BEND5: variants seen among roughly 807,000 people sequenced by gnomAD.
BEND5 encodes BEN domain-containing protein 5.
A neutral mutation model predicts 43.9 loss-of-function variants in BEND5; 22 were observed. The observed-to-expected ratio is 0.50, with a 90% confidence interval of 0.36 to 0.72. The LOEUF is 0.72. BEND5 is among the 30% of genes least tolerant of loss of function. The pLI is 0.00. For missense variants in BEND5, 428 were observed against 550.6 expected (o/e 0.78, Z 2.23); for synonymous variants, 228 against 225.9 (o/e 1.01, Z -0.08).
intron 2 of BEND5, among the ~76,000 whole-genome samples, chr1:48,760,243 T>C (rs1292351593): frequency 1.3e-5 from 2 of 152,198 alleles, no homozygotes; most frequent in Non-Finnish European, 2.9e-5. Flanking sequence ...CAGCTTCTAC[T>C]GAGGGGCAGT....
At chr1:48,733,255 C>A (rs1481865763) in intron 5 of BEND5, among the ~76,000 whole-genome samples, 1 of 152,078 alleles carries the variant, frequency 6.6e-6, no homozygotes, top group Non-Finnish European at 1.5e-5. Context: ...AGTAGTAGAG[C>A]AGGAGCATAA....
At chr1:48,742,077 T>C (rs1328908855) in intron 4 of BEND5, among the ~76,000 whole-genome samples, 1 of 152,250 alleles carries the variant, frequency 6.6e-6, no homozygotes, top group Non-Finnish European at 1.5e-5. Context: ...GTCCTAGGAC[T>C]GTGCGCTAAC....
chr1:48,729,085 T>A (rs1209890793), intron 5 of BEND5, among the ~76,000 whole-genome samples: 1 of 152,090 alleles, frequency 6.6e-6, no homozygotes, highest in South Asian at 2.1e-4. Flanking sequence ...ACTTCATAAA[T>A]AAGGATAACA....
chr1:48,743,714 C>A (rs750938836), intron 3 of BEND5, among the ~76,000 whole-genome samples: 2 of 152,216 alleles, frequency 1.3e-5, no homozygotes, highest in Non-Finnish European at 2.9e-5. Context: ...CCAGCCTTCT[C>A]TTATCCTAGC....
intron 4 of BEND5, among the ~76,000 whole-genome samples, chr1:48,738,644 A>G (rs745600609): frequency 4.6e-5 from 7 of 152,340 alleles, no homozygotes; most frequent in Non-Finnish European, 8.8e-5. Context: ...CTGAATCAGA[A>G]AATCATAGAG....
At chr1:48,731,425 T>G (rs1300104484) in intron 5 of BEND5, among the ~76,000 whole-genome samples, 3 of 152,108 alleles carry the variant, frequency 2.0e-5, no homozygotes, top group African/African-American at 4.8e-5. Context: ...AGGCAAGCAT[T>G]TATAGGCAAT....
At chr1:48,728,859 T>C (rs992361821) in intron 5 of BEND5, among the ~76,000 whole-genome samples, 1 of 152,232 alleles carries the variant, frequency 6.6e-6, no homozygotes, top group African/African-American at 2.4e-5. Context: ...GTACTTGACA[T>C]TGTCACATTA....
intron 3 of BEND5, among the ~76,000 whole-genome samples, chr1:48,751,248 T>C (rs932622493): frequency 1.3e-5 from 2 of 152,182 alleles, no homozygotes; most frequent in African/African-American, 4.8e-5. Flanking sequence ...TGGTGGGCTT[T>C]TAAATTAAGC....
intron 3 of BEND5, among the ~76,000 whole-genome samples, chr1:48,758,402 T>A (rs1266440221): frequency 6.6e-6 from 1 of 152,140 alleles, no homozygotes; most frequent in Non-Finnish European, 1.5e-5. Context: ...CCTTCAAAGC[T>A]CAGTTTCTTA....
intron 1 of BEND5, among the ~76,000 whole-genome samples, chr1:48,763,935 C>G (rs1346733899): frequency 6.6e-6 from 1 of 152,182 alleles, no homozygotes; most frequent in Non-Finnish European, 1.5e-5. Flanking sequence ...AAGTTACTGT[C>G]ATAACATGAA....
chr1:48,752,656 T>C (rs1651924853), intron 3 of BEND5, among the ~76,000 whole-genome samples: 1 of 152,200 alleles, frequency 6.6e-6, no homozygotes, highest in South Asian at 2.1e-4. Context: ...CATTTTCTCA[T>C]GCACATCTTC....
At chr1:48,766,555 C>T (rs1644541529) in intron 1 of BEND5, among the ~76,000 whole-genome samples, 3 of 152,214 alleles carry the variant, frequency 2.0e-5, no homozygotes, top group Non-Finnish European at 2.9e-5. Flanking sequence ...GTGGCCAACC[C>T]TCAGGGCTTG....
chr1:48,736,876 A>G lies in BEND5; in HGVS notation c.895-424T>C, dbSNP rs1649142447. 6.6e-6 allele frequency among the ~76,000 whole-genome samples: 1 copy of G among 152,212 alleles called. No homozygotes were observed. Among genetic ancestry groups the G allele is most frequent in the Non-Finnish European group, 1.5e-5 (1 of 68,042 alleles). The stretch of plus-strand genomic sequence containing the variant: ...CCCATGCTTAACTTCTTTCTGTGTT[A>G]CACTATGGAAAGACCCACCTTCCTT... On this transcript the variant is annotated intron_variant, in intron 4 of 5. Transcript: ENST00000371833. This position sits in a 1 kb window ranked among gnomAD's most constrained non-coding sequence, Gnocchi z 4.0.
chr1:48,748,555 G>A (rs950479989), intron 3 of BEND5, among the ~76,000 whole-genome samples: 9 of 152,124 alleles, frequency 5.9e-5, no homozygotes, highest in East Asian at 1.9e-4. Context: ...TCATAAGGAC[G>A]GTCACCAACT....
At chr1:48,742,330 G>T (rs1650037562) in intron 4 of BEND5, among the ~76,000 whole-genome samples, 1 of 151,974 alleles carries the variant, frequency 6.6e-6, no homozygotes, top group Non-Finnish European at 1.5e-5. Context: ...TGGGAATTAA[G>T]AAATATCTTT....
intron 1 of BEND5, among the ~76,000 whole-genome samples, chr1:48,775,422 C>G (rs925655759): frequency 8.5e-5 from 13 of 152,066 alleles, no homozygotes; most frequent in South Asian, 6.2e-4. Context: ...TGTGAGGAAG[C>G]AAAGGAACTT....
intron 5 of BEND5, among the ~76,000 whole-genome samples, chr1:48,731,334 C>T (rs1206172037): frequency 3.9e-5 from 6 of 152,162 alleles, no homozygotes; most frequent in African/African-American, 1.4e-4. Flanking sequence ...CAGCAGGTAG[C>T]CTGAAAGCCC....
rs2148617506 is a variant in BEND5, at chr1:48,748,064, A to G, written c.746-5293T>C. 1.3e-5 allele frequency among the ~76,000 whole-genome samples: 2 copies of G among 152,348 alleles called. 1 individual carries two copies. Among genetic ancestry groups the G allele is most frequent in the Middle Eastern group, 6.8e-3 (2 of 294 alleles). On this transcript the variant is annotated intron_variant, in intron 3 of 5. Transcript: ENST00000371833. ...CAAAATTCCTAAATGCGTACAGAAC[A>G]TCTGCTGTGGCACACAGAAAGTACT...
intron 3 of BEND5, among the ~76,000 whole-genome samples, chr1:48,744,547 C>T (rs1372379042): frequency 6.6e-6 from 1 of 152,186 alleles, no homozygotes; most frequent in Admixed American, 6.5e-5. Flanking sequence ...GAAAGGCACT[C>T]ACTCACGGTC....
Sources: gnomAD v4.1 joint callset for allele counts (sites outside exome capture counted in the v4.1 genomes callset) on GRCh38, gnomAD v4.1.1 for gene constraint, Gnocchi (gnomAD v3.1) non-coding constraint, MANE v1.5 for transcripts, NCBI Gene and HGNC (gene_info 2026-07-23, HGNC 2026-07-21) for gene names.